The following CSTPP1 variants were observed in gnomAD, a reference collection of about 807,000 sequenced individuals.
The protein encoded by CSTPP1 is centriolar satellite-associated tubulin polyglutamylase complex regulator 1, also known as UPF0705 protein C11orf49.
At chr11:47,164,281 C>G in the CSTPP1 span, 6 of 1,596,716 alleles carry the variant, frequency 3.8e-6, no homozygotes, top group Non-Finnish European at 5.1e-6. Context: ...GGCAGGGAGG[C>G]AGGATCCAGA....
chr11:47,028,932 G>A, the CSTPP1 span, among the ~76,000 whole-genome samples: 2 of 151,960 alleles, frequency 1.3e-5, no homozygotes, highest in Admixed American at 1.3e-4. Flanking sequence ...CTCCCTCCCG[G>A]GCTCAAGCCG....
the CSTPP1 span, among the ~76,000 whole-genome samples, chr11:47,133,991 C>G: frequency 2.0e-5 from 3 of 152,242 alleles, no homozygotes; most frequent in South Asian, 6.2e-4. Flanking sequence ...AGCCTCCCTT[C>G]TCTCCCTCCC....
At chr11:47,058,627 T>C in the CSTPP1 span, among the ~76,000 whole-genome samples, 1 of 152,222 alleles carries the variant, frequency 6.6e-6, no homozygotes, top group African/African-American at 2.4e-5. Flanking sequence ...TTAACATTTA[T>C]TAAGTGCTTC....
chr11:47,082,333 A>G, the CSTPP1 span, among the ~76,000 whole-genome samples: 4 of 152,126 alleles, frequency 2.6e-5, no homozygotes, highest in African/African-American at 9.7e-5. Flanking sequence ...TTGCTTGCCA[A>G]CAAATACTGT....
the CSTPP1 span, among the ~76,000 whole-genome samples, chr11:47,126,308 T>C: frequency 1.3e-5 from 2 of 151,992 alleles, no homozygotes; most frequent in African/African-American, 2.4e-5. Flanking sequence ...GAATAGCTAG[T>C]GGGAGATTTA....
At chr11:47,155,130 A>C in the CSTPP1 span, 1 of 1,451,012 alleles carries the variant, frequency 6.9e-7, no homozygotes, top group Non-Finnish European at 9.5e-7. Context: ...CCCCTCCTTA[A>C]ACCTCTCCCC....
At chr11:47,161,321 G>A in the CSTPP1 span, 3 of 1,590,574 alleles carry the variant, frequency 1.9e-6, no homozygotes, top group Admixed American at 5.2e-5. Flanking sequence ...CTGGGGGCCA[G>A]TGGAGGCCTG....
chr11:47,132,223 CT>C, the CSTPP1 span, among the ~76,000 whole-genome samples: 7 of 152,158 alleles, frequency 4.6e-5, no homozygotes, highest in African/African-American at 1.7e-4. Context: ...TGGAGACCCC[CT>C]ATCTTTGTGT....
the CSTPP1 span, among the ~76,000 whole-genome samples, chr11:47,009,658 G>T: frequency 6.6e-6 from 1 of 152,130 alleles, no homozygotes; most frequent in African/African-American, 2.4e-5. Flanking sequence ...TTAACTGGGT[G>T]TGGTGGCAGG....
the CSTPP1 span, chr11:47,138,019 A>G: frequency 2.0e-6 from 1 of 493,926 alleles, no homozygotes; most frequent in Non-Finnish European, 3.6e-6. Context: ...ACCCCCACAC[A>G]CACACACCCT....
chr11:47,118,451 G>C, the CSTPP1 span, among the ~76,000 whole-genome samples: 1 of 152,154 alleles, frequency 6.6e-6, no homozygotes, highest in Admixed American at 6.5e-5. Context: ...GCCTACTTCT[G>C]TCAACTCTTC....
At chr11:47,052,644 G>A in the CSTPP1 span, 4 of 1,283,306 alleles carry the variant, frequency 3.1e-6, no homozygotes, top group Non-Finnish European at 4.1e-6. Flanking sequence ...TTTTTCTTTT[G>A]TTCCTATAAA....
the CSTPP1 span, among the ~76,000 whole-genome samples, chr11:47,102,530 AATAT>A: frequency 6.6e-6 from 1 of 152,192 alleles, no homozygotes; most frequent in African/African-American, 2.4e-5. Context: ...ACCCTTAAAA[AATAT>A]ATAGATAGAT....
the CSTPP1 span, among the ~76,000 whole-genome samples, chr11:47,080,145 G>GAT: frequency 6.8e-6 from 1 of 146,996 alleles, no homozygotes; most frequent in Non-Finnish European, 1.5e-5. Flanking sequence ...AGGAGTCCAA[G>GAT]ATATATATAA....
At chr11:47,016,982 A>T in the CSTPP1 span, among the ~76,000 whole-genome samples, 1 of 148,562 alleles carries the variant, frequency 6.7e-6, no homozygotes, top group African/African-American at 2.5e-5. Flanking sequence ...AGCTGGAACT[A>T]CAGGCGCCCA....
the CSTPP1 span, among the ~76,000 whole-genome samples, chr11:47,029,615 CAA>C: frequency 6.9e-5 from 9 of 129,580 alleles, no homozygotes; most frequent in East Asian, 2.2e-4. Flanking sequence ...GACTCTATCT[CAA>C]AAAAAAAAAA....
the CSTPP1 span, among the ~76,000 whole-genome samples, chr11:46,986,223 G>A: frequency 2.9e-4 from 44 of 152,226 alleles, no homozygotes; most frequent in African/African-American, 1.1e-3. Flanking sequence ...TCAAACTCAG[G>A]TCTGTCTCAC....
chr11:47,014,486 C>T, the CSTPP1 span, among the ~76,000 whole-genome samples: 1 of 151,840 alleles, frequency 6.6e-6, no homozygotes, highest in Non-Finnish European at 1.5e-5. Context: ...TCACCGATCA[C>T]CTAAGTTGGG....
chr11:47,088,535 AT>A, the CSTPP1 span, among the ~76,000 whole-genome samples: 1 of 152,120 alleles, frequency 6.6e-6, no homozygotes, highest in Non-Finnish European at 1.5e-5. Context: ...GTAAAAATAA[AT>A]TTTAGTAATA....
Sources: allele counts gnomAD v4.1 joint callset (sites outside exome capture counted in the v4.1 genomes callset), GRCh38; gene constraint gnomAD v4.1.1; transcripts MANE v1.5; gene names NCBI Gene and HGNC (gene_info 2026-07-23, HGNC 2026-07-21).